Variants in EPHA7 observed in about 807,000 individuals in gnomAD.
EPHA7 encodes the protein ephrin type-A receptor 7.
Under a neutral mutation model 112.6 loss-of-function variants are expected in EPHA7, and 25 were observed. That is an observed-to-expected ratio of 0.22 (90% CI 0.16 to 0.31). EPHA7 has a LOEUF of 0.31. Ranked by LOEUF, EPHA7 falls within the 10% of genes least tolerant of loss-of-function variation. The pLI is 1.00. For synonymous variants in EPHA7, 437 were observed against 406.5 expected, an observed-to-expected ratio of 1.07 and a Z score of -0.90; for missense variants, 962 against 1,212.6, an observed-to-expected ratio of 0.79 and a Z score of 3.07.
chr6:93,286,305 C>T (rs1016027500), intron 5 of EPHA7, among the ~76,000 whole-genome samples: 4 of 152,048 alleles, frequency 2.6e-5, no homozygotes, highest in Admixed American at 1.3e-4. Flanking sequence ...ATCTATATTG[C>T]GGCATGGAGA....
chr6:93,293,287 T>C (rs1772481773), intron 5 of EPHA7, among the ~76,000 whole-genome samples: 1 of 152,022 alleles, frequency 6.6e-6, no homozygotes, highest in African/African-American at 2.4e-5. Flanking sequence ...TAGTGATAAT[T>C]TAAGAATTAT....
intron 5 of EPHA7, among the ~76,000 whole-genome samples, chr6:93,325,143 A>G (rs1774255106): frequency 1.3e-5 from 2 of 151,334 alleles, no homozygotes; most frequent in African/African-American, 4.8e-5. Flanking sequence ...TGCCAGGAAT[A>G]ATATATGCAT....
chr6:93,312,679 T>G (rs1388601526), intron 5 of EPHA7, among the ~76,000 whole-genome samples: 1 of 152,194 alleles, frequency 6.6e-6, no homozygotes, highest in Non-Finnish European at 1.5e-5. Context: ...AATTCACAAC[T>G]TGGCTAATGG....
At chr6:93,326,341 T>G (rs189032536) in intron 5 of EPHA7, among the ~76,000 whole-genome samples, 103 of 151,334 alleles carry the variant, frequency 6.8e-4, no homozygotes, top group African/African-American at 2.5e-3. Context: ...CTGCACAACA[T>G]TCAGTGTCAT....
intron 5 of EPHA7, among the ~76,000 whole-genome samples, chr6:93,298,562 T>G (rs1772796097): frequency 2.6e-5 from 4 of 152,168 alleles, no homozygotes; most frequent in Admixed American, 2.6e-4. Context: ...ATCCTAATTT[T>G]TAAATCAGTA....
intron 3 of EPHA7, among the ~76,000 whole-genome samples, chr6:93,371,784 T>C (rs1030948402): frequency 1.1e-4 from 16 of 152,200 alleles, no homozygotes; most frequent in Non-Finnish European, 2.1e-4. Context: ...TACATCTTCC[T>C]AATTAATTAG....
At chr6:93,272,446 A>G (rs375408784) in intron 5 of EPHA7, 24 bp from the exon 6 acceptor site, 2 of 1,610,190 alleles carry the variant, frequency 1.2e-6, no homozygotes, top group Non-Finnish European at 1.7e-6. Context: ...ATGTGTCAAT[A>G]AACAATGAGA....
In EPHA7 at chr6:93,245,430, T is replaced by G. The variant is rs149864613; in HGVS notation, c.2750A>C (p.Gln917Pro). The change falls in exon 16 of 17, where the codon CAA (glutamine) becomes CCA (proline). Residue 917 changes from glutamine to proline, a missense_variant. Physicochemically the swap from Gln to Pro is moderately conservative, Grantham distance 76 (BLOSUM62 -1). Transcript: ENST00000369303. ...AAAGGTAGTGAAATCAGGAGTGTTT[T>G]GATCCAGAAGAGGGCTTATTGGCCT... ...CSRPISPLLD[Q>P]NTPDFTTFCS... 1.7e-5 allele frequency: 27 copies of G among 1,613,418 alleles called. No homozygotes were observed. The African/African-American group carries it at 3.3e-4, about 20-fold the overall frequency.
chr6:93,254,606 A>C, intron 14 of EPHA7, 41 bp downstream of exon 14: 1 of 1,559,250 alleles, frequency 6.4e-7, no homozygotes, highest in Non-Finnish European at 8.8e-7. Context: ...CTGGCCATTA[A>C]TGTATTCAAT....
At chr6:93,282,476 C>G (rs576534743) in intron 5 of EPHA7, among the ~76,000 whole-genome samples, 30 of 152,360 alleles carry the variant, frequency 2.0e-4, no homozygotes, top group Non-Finnish European at 3.5e-4. Context: ...TGAGAGGTGA[C>G]AGCATGCTGG....
chr6:93,289,798 T>C (rs888078082), intron 5 of EPHA7, among the ~76,000 whole-genome samples: 3 of 152,154 alleles, frequency 2.0e-5, no homozygotes, highest in Non-Finnish European at 4.4e-5. Context: ...ATAAAATCAT[T>C]GGTTACATAT....
intron 5 of EPHA7, among the ~76,000 whole-genome samples, chr6:93,334,775 T>C (rs1040316351): frequency 2.6e-5 from 4 of 152,002 alleles, no homozygotes; most frequent in Admixed American, 2.0e-4. Context: ...GTTAAACGAG[T>C]GATGCAAATC....
chr6:93,384,343 C>G (rs1410133855), intron 3 of EPHA7, among the ~76,000 whole-genome samples: 1 of 152,080 alleles, frequency 6.6e-6, no homozygotes, highest in Non-Finnish European at 1.5e-5. Context: ...TCTCTCATAT[C>G]TAGTTCAGTA....
intron 3 of EPHA7, among the ~76,000 whole-genome samples, chr6:93,402,909 C>G (rs78387190): frequency 0.01 from 1,543 of 151,926 alleles, 23 homozygotes; most frequent in African/African-American, 0.034. Flanking sequence ...ATAATGCTAA[C>G]AAGGGTGAAA....
At chr6:93,263,305 T>C (rs1388935273) in intron 9 of EPHA7, among the ~76,000 whole-genome samples, 3 of 151,404 alleles carry the variant, frequency 2.0e-5, no homozygotes, top group Admixed American at 6.6e-5. Flanking sequence ...CTTCTAAATA[T>C]GATTTCTAAA....
At chr6:93,390,655 G>A (rs1268938109) in intron 3 of EPHA7, among the ~76,000 whole-genome samples, 1 of 151,338 alleles carries the variant, frequency 6.6e-6, no homozygotes, top group Admixed American at 6.6e-5. Context: ...TAGAGTGTCT[G>A]AAGACCATAA....
At chr6:93,365,455 A>G (rs543964976) in intron 3 of EPHA7, among the ~76,000 whole-genome samples, 1 of 152,300 alleles carries the variant, frequency 6.6e-6, no homozygotes, top group Non-Finnish European at 1.5e-5. Context: ...CTATGTTTCT[A>G]TAAGGCAAAG....
rs1316144079 is a variant in EPHA7, at chr6:93,258,245, G to C, written c.1964C>G (p.Pro655Arg). The C allele has an allele frequency of 3.7e-6, 6 of 1,610,332 alleles. No homozygotes were observed. The highest frequency in any genetic ancestry group is 5.1e-6 in the Non-Finnish European group (6 of 1,178,170). ...GGCTACTGCAACATCTCTTTTCCCT[G>C]GAAGTTTCAAACGGCCACTGCAGAC... ...GEVCSGRLKL[P>R]GKRDVAVAIK... is the part of the protein sequence containing the mutation. Residue 655 changes from proline to arginine, a missense_variant, in exon 11 of 17, where the codon CCA (proline) becomes CGA (arginine). Pro to Arg is a moderately radical substitution (Grantham distance 103). This residue lies in a region of EPHA7 where 746 missense variants were observed against 889.2 expected (regional missense o/e 0.84). Coordinates refer to ENST00000369303, the MANE Select transcript of EPHA7 (RefSeq NM_004440.4).
intron 3 of EPHA7, among the ~76,000 whole-genome samples, chr6:93,370,453 A>G (rs1776733196): frequency 6.6e-6 from 1 of 152,220 alleles, no homozygotes; most frequent in Admixed American, 6.5e-5. Flanking sequence ...ATTAAAATAA[A>G]TTCTAATAAT....
Sources: gnomAD v4.1 joint callset for allele counts (sites outside exome capture counted in the v4.1 genomes callset) on GRCh38, gnomAD v4.1.1 for gene constraint, gnomAD v4.1.1 regional missense constraint, MANE v1.5 for transcripts, NCBI Gene and HGNC (gene_info 2026-07-23, HGNC 2026-07-21) for gene names.